Variants in IPO11 observed in about 807,000 individuals in gnomAD.
IPO11 encodes importin 11, also known as importin-11.
A neutral mutation model predicts 143.2 loss-of-function variants in IPO11; 66 were observed. The ratio of observed to expected loss-of-function variants is 0.46; its 90% CI spans 0.38 to 0.57. IPO11 has a LOEUF of 0.57. Ranked by LOEUF, IPO11 falls within the 20% of genes least tolerant of loss-of-function variation. The probability of loss-of-function intolerance (pLI) is 0.00; values close to 1 mark genes in which losing one functional copy is unlikely to be tolerated. For missense variants in IPO11, 1,026 were observed against 1,141.0 expected (o/e 0.90, Z 1.45); for synonymous variants, 385 against 377.8 (o/e 1.02, Z -0.22).
At chr5:62,417,220 G>A (rs1427192903) in intron 1 of IPO11, among the ~76,000 whole-genome samples, 1 of 150,276 alleles carries the variant, frequency 6.7e-6, no homozygotes, top group African/African-American at 2.5e-5. Flanking sequence ...AATCTCATGA[G>A]TAGCTGGTAC....
intron 27 of IPO11, among the ~76,000 whole-genome samples, chr5:62,584,349 C>G (rs1196652765): frequency 6.6e-6 from 1 of 152,002 alleles, no homozygotes; most frequent in Admixed American, 6.6e-5. Context: ...GTGATCCCAG[C>G]ACTTTTGGAA....
chr5:62,456,862 G>A (rs1580200753), intron 5 of IPO11, among the ~76,000 whole-genome samples: 2 of 152,312 alleles, frequency 1.3e-5, no homozygotes, highest in African/African-American at 4.8e-5. Flanking sequence ...AGGAGGCTGA[G>A]GCGGGTGGAT....
intron 3 of IPO11, among the ~76,000 whole-genome samples, chr5:62,444,816 C>T (rs938065811): frequency 6.6e-6 from 1 of 151,506 alleles, no homozygotes; most frequent in African/African-American, 2.4e-5. Context: ...TTGCCGTGAG[C>T]CAAGAACGTG....
intron 26 of IPO11, among the ~76,000 whole-genome samples, chr5:62,558,726 AC>A (rs1743662104): frequency 6.6e-6 from 1 of 152,214 alleles, no homozygotes; most frequent in Admixed American, 6.5e-5. Flanking sequence ...AATACCATTT[AC>A]TGTGTAGTTT....
chr5:62,420,146 C>G (rs1342696913), intron 1 of IPO11, among the ~76,000 whole-genome samples: 1 of 151,802 alleles, frequency 6.6e-6, no homozygotes, highest in Admixed American at 6.6e-5. Context: ...CAAAAATTAG[C>G]CAGGCGTGGT....
rs369797480 is a variant in IPO11, at chr5:62,601,761, T to C, written c.2679-3T>C. The stretch of plus-strand genomic sequence containing the variant: ...AAACATGTTTTTTAAAAAATTATTA[T>C]AGCTGTATGTTGATGTCTCATCTTG... On this transcript the variant is annotated splice_region_variant and splice_polypyrimidine_tract_variant and intron_variant, in intron 28 of 29. Coordinates refer to ENST00000325324, the MANE Select transcript of IPO11 (RefSeq NM_016338.5). 8.0e-6 allele frequency: 12 copies of C among 1,506,698 alleles called. No homozygotes were observed. Among genetic ancestry groups the C allele is most frequent in the Non-Finnish European group, 1.1e-5 (12 of 1,119,254 alleles). The allele number at this position is 1,506,698 out of a possible 1,614,324, so 93.3% of individuals were successfully genotyped here.
intron 26 of IPO11, among the ~76,000 whole-genome samples, chr5:62,555,369 C>T (rs1018606532): frequency 9.2e-5 from 14 of 151,810 alleles, no homozygotes; most frequent in African/African-American, 2.7e-4. Context: ...GGCTAGAATG[C>T]AGTGGCACAA....
intron 29 of IPO11, among the ~76,000 whole-genome samples, chr5:62,615,689 G>A (rs1319584948): frequency 6.6e-6 from 1 of 152,212 alleles, no homozygotes; most frequent in Non-Finnish European, 1.5e-5. Context: ...GAGCTCTGAG[G>A]AGGTGGCAGA....
chr5:62,425,740 G>A (rs934050884), intron 1 of IPO11, among the ~76,000 whole-genome samples: 5 of 152,180 alleles, frequency 3.3e-5, no homozygotes, highest in Non-Finnish European at 7.4e-5. Flanking sequence ...GTAAAGATAC[G>A]ATTGCTAACA....
intron 29 of IPO11, among the ~76,000 whole-genome samples, chr5:62,620,891 G>A (rs1288762070): frequency 1.3e-5 from 2 of 152,194 alleles, no homozygotes; most frequent in African/African-American, 2.4e-5. Flanking sequence ...CCATTCAAAC[G>A]GATGGTGGGT....
At chr5:62,471,074 C>T (rs993289723) in intron 7 of IPO11, among the ~76,000 whole-genome samples, 2 of 150,872 alleles carry the variant, frequency 1.3e-5, no homozygotes, top group Admixed American at 1.3e-4. Flanking sequence ...GTGATCTGCC[C>T]TTTTTGGCTT....
chr5:62,537,944 G>T lies in IPO11; in HGVS notation c.2250+655G>T, dbSNP rs115100905. Among the ~76,000 whole-genome samples the T allele has an allele frequency of 4.4e-3, 672 of 152,160 alleles. 7 individuals are homozygous for T. The highest frequency in any genetic ancestry group is 0.016 in the African/African-American group (648 of 41,508). On this transcript the variant is annotated intron_variant, in intron 24 of 29. Coordinates refer to ENST00000325324, the MANE Select transcript of IPO11 (RefSeq NM_016338.5). ...TTAAAAGTACCCCTATTTGGGTGCA[G>T]CAAACCAACACAGCACATGTATACA...
At chr5:62,590,843 T>A (rs1228775837) in intron 27 of IPO11, among the ~76,000 whole-genome samples, 1 of 152,188 alleles carries the variant, frequency 6.6e-6, no homozygotes, top group Admixed American at 6.6e-5. Flanking sequence ...AGCATCCTTT[T>A]AGGATGCTCA....
intron 18 of IPO11, 106 bp from the exon 19 acceptor site, chr5:62,506,135 T>C: frequency 1.8e-6 from 1 of 569,906 alleles, no homozygotes; most frequent in Non-Finnish European, 3.0e-6. Flanking sequence ...TTTATTTGAC[T>C]TACTGCTTTG....
intron 27 of IPO11, among the ~76,000 whole-genome samples, chr5:62,587,551 C>T (rs1177323509): frequency 6.6e-6 from 1 of 151,534 alleles, no homozygotes; most frequent in East Asian, 1.9e-4. Flanking sequence ...AAAGTATTTT[C>T]CCAGTTTTCT....
At chr5:62,439,058 CA>C (rs201729033) in intron 2 of IPO11, among the ~76,000 whole-genome samples, 3,099 of 73,740 alleles carry the variant, frequency 0.042, 64 homozygotes, top group African/African-American at 0.11. Flanking sequence ...GACTCCATCT[CA>C]AAAAAAAAAA....
At chr5:62,469,753 C>T (rs1745702444) in intron 6 of IPO11, among the ~76,000 whole-genome samples, 1 of 152,120 alleles carries the variant, frequency 6.6e-6, no homozygotes, top group Non-Finnish European at 1.5e-5. Flanking sequence ...TCTGTGTACA[C>T]TAGTTTGTCA....
chr5:62,602,697 T>C (rs969769918), intron 29 of IPO11, among the ~76,000 whole-genome samples: 9 of 152,224 alleles, frequency 5.9e-5, no homozygotes, highest in African/African-American at 2.2e-4. Flanking sequence ...TAGCTAACAT[T>C]GCACTGCTCT....
At chr5:62,544,773 A>G (rs1280618630) in intron 24 of IPO11, among the ~76,000 whole-genome samples, 3 of 152,166 alleles carry the variant, frequency 2.0e-5, no homozygotes, top group African/African-American at 4.8e-5. Flanking sequence ...CAAAATCAAT[A>G]TGCAAAAATC....
Sources: gnomAD v4.1 joint callset for allele counts (sites outside exome capture counted in the v4.1 genomes callset) on GRCh38, gnomAD v4.1.1 for gene constraint, MANE v1.5 for transcripts, NCBI Gene and HGNC (gene_info 2026-07-23, HGNC 2026-07-21) for gene names.